The following TSPEAR variants were observed in gnomAD, a reference collection of about 807,000 sequenced individuals.
The protein encoded by TSPEAR is thrombospondin-type laminin G domain and EAR repeat-containing protein.
Under a neutral mutation model 71.6 loss-of-function variants are expected in TSPEAR, and 69 were observed. That is an observed-to-expected ratio of 0.96 (90% CI 0.79 to 1.18). The LOEUF (loss-of-function observed/expected upper bound fraction) is 1.18, where lower values mean the gene tolerates loss of function less well. Ranked by LOEUF, TSPEAR falls within the 50% of genes most tolerant of loss-of-function variation. The pLI is 0.00. For synonymous variants in TSPEAR, 402 were observed against 387.2 expected, an observed-to-expected ratio of 1.04 and a Z score of -0.45; for missense variants, 971 against 894.9, an observed-to-expected ratio of 1.09 and a Z score of -1.09.
intron 2 of TSPEAR, among the ~76,000 whole-genome samples, chr21:44,553,967 T>C (rs1431855352): frequency 1.3e-5 from 2 of 152,222 alleles, no homozygotes; most frequent in African/African-American, 2.4e-5. Context: ...CGATGTATTT[T>C]CACAAAAGCA....
At chr21:44,701,879 G>A (rs1322102778) in intron 1 of TSPEAR, among the ~76,000 whole-genome samples, 1 of 152,116 alleles carries the variant, frequency 6.6e-6, no homozygotes, top group Non-Finnish European at 1.5e-5. Context: ...TGTCCCCCCT[G>A]AGCAGCTGCA....
chr21:44,548,660 G>T (rs1261664734), intron 2 of TSPEAR, among the ~76,000 whole-genome samples: 1 of 152,176 alleles, frequency 6.6e-6, no homozygotes, highest in African/African-American at 2.4e-5. Context: ...CGCTGGCCGG[G>T]GACGGTGGGT....
intron 1 of TSPEAR, among the ~76,000 whole-genome samples, chr21:44,617,346 C>G (rs1327210383): frequency 6.6e-6 from 1 of 152,250 alleles, no homozygotes; most frequent in Non-Finnish European, 1.5e-5. Context: ...TGCTCCAGCC[C>G]CAGGCTTGCC....
At chr21:44,539,337 G>A (rs781989575) in intron 2 of TSPEAR, 10 of 1,612,050 alleles carry the variant, frequency 6.2e-6, no homozygotes, top group Admixed American at 3.3e-5. Context: ...GGGCGGCAGA[G>A]GAGGGACACG....
intron 8 of TSPEAR, among the ~76,000 whole-genome samples, chr21:44,522,337 TTGG>T (rs2052752741): frequency 6.6e-6 from 1 of 152,200 alleles, no homozygotes; most frequent in African/African-American, 2.4e-5. Context: ...ATGGAAATGC[TTGG>T]TGGCCCCCAC....
At position 44,687,342 on chromosome 21, in the gene TSPEAR, C is replaced by G. The variant is rs1390377524; in HGVS notation, c.82+24091G>C. Among the ~76,000 whole-genome samples, 1 of 152,136 alleles carries G rather than the reference C, an allele frequency of 6.6e-6. No individual in the cohort carries two copies. Among genetic ancestry groups the G allele is most frequent in the East Asian group, 1.9e-4 (1 of 5,198 alleles). ...CTGAGGGCTCTGAAAGGCAGGCACACTTGTCCCACTGTATCATAACAGAAA... is the reference window on the plus strand; with the variant it reads ...CTGAGGGCTCTGAAAGGCAGGCACAGTTGTCCCACTGTATCATAACAGAAA... On this transcript the variant is annotated intron_variant, in intron 1 of 11. Transcript: ENST00000323084. The surrounding 1 kb of genome is among the most constrained non-coding windows in gnomAD (Gnocchi z 4.4).
intron 1 of TSPEAR, among the ~76,000 whole-genome samples, chr21:44,674,265 A>T (rs1287994131): frequency 1.3e-5 from 2 of 152,076 alleles, no homozygotes; most frequent in African/African-American, 4.8e-5. Flanking sequence ...CTTTAAAAAA[A>T]TACAAAGAAG....
chr21:44,637,505 T>TCA, intron 1 of TSPEAR: 1 of 1,612,606 alleles, frequency 6.2e-7, no homozygotes. Context: ...CTGCGAGCCC[T>TCA]GCTGCTGTGC....
intron 1 of TSPEAR, among the ~76,000 whole-genome samples, chr21:44,699,891 G>T (rs1354791466): frequency 6.6e-6 from 1 of 152,132 alleles, no homozygotes; most frequent in Non-Finnish European, 1.5e-5. Flanking sequence ...GACCGGCTGG[G>T]GCAGCTGGAC....
At chr21:44,691,665 T>C (rs1987128872) in intron 1 of TSPEAR, among the ~76,000 whole-genome samples, 1 of 152,178 alleles carries the variant, frequency 6.6e-6, no homozygotes, top group Non-Finnish European at 1.5e-5. Context: ...GAACAGAACA[T>C]CTAGTCAGAA....
chr21:44,676,528 T>C, intron 1 of TSPEAR: 1 of 756,652 alleles, frequency 1.3e-6, no homozygotes, highest in South Asian at 1.5e-5. Flanking sequence ...GGTATTTATA[T>C]CCAGAGTAAA....
chr21:44,680,339 G>C (rs1416087986), intron 1 of TSPEAR, among the ~76,000 whole-genome samples: 1 of 152,092 alleles, frequency 6.6e-6, no homozygotes, highest in Admixed American at 6.5e-5. Context: ...ACTACAATGA[G>C]ATAGCATCAT....
chr21:44,709,101 A>G (rs1601589905), intron 1 of TSPEAR, among the ~76,000 whole-genome samples: 1 of 151,872 alleles, frequency 6.6e-6, no homozygotes, highest in Admixed American at 6.6e-5. Flanking sequence ...CCAGCCTCCC[A>G]GCCTCCCACC....
At chr21:44,617,452 A>G (rs587734564) in intron 1 of TSPEAR, among the ~76,000 whole-genome samples, 52 of 152,376 alleles carry the variant, frequency 3.4e-4, no homozygotes, top group African/African-American at 9.1e-4. Context: ...GAAGTCCAGG[A>G]CAGCGTGGGG....
At chr21:44,564,828 A>G (rs1456608346) in intron 2 of TSPEAR, among the ~76,000 whole-genome samples, 1 of 152,204 alleles carries the variant, frequency 6.6e-6, no homozygotes, top group Non-Finnish European at 1.5e-5. Flanking sequence ...ACAGCAGAAT[A>G]TACATTTTTT....
chr21:44,651,013 A>G (rs587616424), intron 1 of TSPEAR, among the ~76,000 whole-genome samples: 1 of 152,294 alleles, frequency 6.6e-6, no homozygotes, highest in South Asian at 2.1e-4. Context: ...GGGAGGGGGC[A>G]CCAGGGGTGG....
At chr21:44,616,808 G>A (rs1274233150) in intron 1 of TSPEAR, among the ~76,000 whole-genome samples, 13 of 152,270 alleles carry the variant, frequency 8.5e-5, no homozygotes, top group East Asian at 1.9e-4. Flanking sequence ...GCACGTGCCC[G>A]CACAAGCCTC....
rs587744445 is a variant in TSPEAR, at chr21:44,499,859, G to T, written c.1934C>A (p.Thr645Asn). The change falls in exon 12 of 12, where the codon ACC becomes AAC. Residue 645 changes from threonine to asparagine, a missense_variant. Coordinates refer to ENST00000323084, the MANE Select transcript of TSPEAR (RefSeq NM_144991.3). ...GTAGATGAGGTAGGCACCAGCCGTG[G>T]TGCTGAAGGCCTCCCAGTCCCTGCA... The part of the protein sequence containing the change: ...VGCRDWEAFS[T>N]TAGAYLIYSS... The T allele has an allele frequency of 5.6e-6, 9 of 1,603,602 alleles. No homozygotes were observed. The highest frequency in any genetic ancestry group is 6.8e-6 in the Non-Finnish European group (8 of 1,176,164).
At chr21:44,694,862 C>T (rs1174892746) in intron 1 of TSPEAR, among the ~76,000 whole-genome samples, 2 of 152,114 alleles carry the variant, frequency 1.3e-5, no homozygotes, top group South Asian at 2.1e-4. Flanking sequence ...TCCCGTGAGC[C>T]GGTGCAGCAT....
Sources: gnomAD v4.1 joint callset for allele counts (sites outside exome capture counted in the v4.1 genomes callset) on GRCh38, gnomAD v4.1.1 for gene constraint, Gnocchi (gnomAD v3.1) non-coding constraint, MANE v1.5 for transcripts, NCBI Gene and HGNC (gene_info 2026-07-23, HGNC 2026-07-21) for gene names.